The following ENTREP2 variants were observed in gnomAD, a reference collection of about 807,000 sequenced individuals.
The protein encoded by ENTREP2 is protein ENTREP2.
chr15:29,157,133 T>A, the ENTREP2 span, among the ~76,000 whole-genome samples: 2 of 151,972 alleles, frequency 1.3e-5, no homozygotes, highest in African/African-American at 4.8e-5. Context: ...CCTGAAGTGG[T>A]CTGGGACATG....
the ENTREP2 span, among the ~76,000 whole-genome samples, chr15:29,159,430 A>G: frequency 3.9e-5 from 6 of 152,192 alleles, no homozygotes; most frequent in Non-Finnish European, 7.3e-5. Context: ...TCCACAGCAT[A>G]GAAAAGGACA....
At chr15:29,418,147 A>G in the ENTREP2 span, among the ~76,000 whole-genome samples, 1 of 152,248 alleles carries the variant, frequency 6.6e-6, no homozygotes, top group Non-Finnish European at 1.5e-5. Context: ...CAAGGAGCCC[A>G]GTATTTTATC....
chr15:29,350,851 G>A, the ENTREP2 span, among the ~76,000 whole-genome samples: 2 of 152,182 alleles, frequency 1.3e-5, no homozygotes, highest in Non-Finnish European at 2.9e-5. Context: ...GCTGAGGCAG[G>A]GCAATCGCTT....
At chr15:29,593,637 T>G in the ENTREP2 span, among the ~76,000 whole-genome samples, 1 of 152,236 alleles carries the variant, frequency 6.6e-6, no homozygotes, top group South Asian at 2.1e-4. Flanking sequence ...CCTTGGCTGA[T>G]ATTCTTATAT....
At chr15:29,297,784 C>A in the ENTREP2 span, among the ~76,000 whole-genome samples, 6 of 152,036 alleles carry the variant, frequency 3.9e-5, no homozygotes, top group African/African-American at 1.4e-4. Flanking sequence ...TGAATCCATG[C>A]GGGGTCTACA....
chr15:29,151,702 C>G, the ENTREP2 span: 1 of 1,506,590 alleles, frequency 6.6e-7, no homozygotes, highest in Non-Finnish European at 9.0e-7. Flanking sequence ...GGTTTCAAAC[C>G]GCGCAGAGGA....
the ENTREP2 span, among the ~76,000 whole-genome samples, chr15:29,582,681 T>C: frequency 6.6e-6 from 1 of 152,130 alleles, no homozygotes; most frequent in African/African-American, 2.4e-5. Flanking sequence ...AGATGAAGTC[T>C]CACTGTGTTG....
At chr15:29,516,033 CAGCAGAGCCTCA>C in the ENTREP2 span, among the ~76,000 whole-genome samples, 4 of 152,074 alleles carry the variant, frequency 2.6e-5, no homozygotes, top group African/African-American at 4.8e-5. Context: ...CTACAATGAA[CAGCAGAGCCTCA>C]AGCAGAGGTT....
At chr15:29,329,357 C>T in the ENTREP2 span, among the ~76,000 whole-genome samples, 1 of 143,956 alleles carries the variant, frequency 6.9e-6, no homozygotes, top group Admixed American at 6.7e-5. Flanking sequence ...AGCAAGGCTC[C>T]GTCTCAAAAA....
chr15:29,218,681 T>C, the ENTREP2 span, among the ~76,000 whole-genome samples: 3 of 152,184 alleles, frequency 2.0e-5, no homozygotes, highest in African/African-American at 7.2e-5. Context: ...AGCCAACTGA[T>C]CTTCGACAAA....
chr15:29,142,419 C>A, the ENTREP2 span, among the ~76,000 whole-genome samples: 1 of 152,362 alleles, frequency 6.6e-6, no homozygotes, highest in East Asian at 1.9e-4. Context: ...ATAAGTAGCA[C>A]CTACTGTCCA....
the ENTREP2 span, among the ~76,000 whole-genome samples, chr15:29,314,403 A>G: frequency 6.6e-6 from 1 of 152,196 alleles, no homozygotes; most frequent in African/African-American, 2.4e-5. Flanking sequence ...CCCAACCTTC[A>G]GCAACCACCA....
chr15:29,251,645 C>G, the ENTREP2 span, among the ~76,000 whole-genome samples: 3 of 152,024 alleles, frequency 2.0e-5, no homozygotes, highest in Non-Finnish European at 4.4e-5. Context: ...CTGAATACCT[C>G]TGTTCTACAA....
the ENTREP2 span, among the ~76,000 whole-genome samples, chr15:29,200,387 G>T: frequency 6.6e-5 from 10 of 152,054 alleles, no homozygotes; most frequent in Admixed American, 5.9e-4. Flanking sequence ...TGTTGGCCAG[G>T]CTGGTCTCGA....
chr15:29,216,383 G>GT, the ENTREP2 span, among the ~76,000 whole-genome samples: 1 of 152,192 alleles, frequency 6.6e-6, no homozygotes, highest in Admixed American at 6.5e-5. Flanking sequence ...GTGCTTCTGT[G>GT]TCACAGCTCT....
At chr15:29,638,042 C>T in the ENTREP2 span, among the ~76,000 whole-genome samples, 1 of 152,218 alleles carries the variant, frequency 6.6e-6, no homozygotes, top group Non-Finnish European at 1.5e-5. Flanking sequence ...TCTGTCACTG[C>T]ACCTAACTGC....
At chr15:29,497,980 T>A in the ENTREP2 span, among the ~76,000 whole-genome samples, 29 of 152,192 alleles carry the variant, frequency 1.9e-4, no homozygotes, top group African/African-American at 6.3e-4. Context: ...TGTGTCCCCA[T>A]GCAAATCTTA....
the ENTREP2 span, among the ~76,000 whole-genome samples, chr15:29,216,202 T>C: frequency 1.4e-4 from 22 of 152,178 alleles, no homozygotes; most frequent in African/African-American, 4.6e-4. Flanking sequence ...CTGAAAAAGA[T>C]GGTATCTTTC....
chr15:29,587,138 CGTGTGTGTGTGTGTGTGTGTGTGT>C, the ENTREP2 span, among the ~76,000 whole-genome samples: 63 of 124,066 alleles, frequency 5.1e-4, no homozygotes, highest in South Asian at 0.018. Flanking sequence ...TGTAGCTAAC[CGTGTGTGTGTGTGTGTGTGTGTGT>C]GTGTGTGTGT....
Sources: allele counts gnomAD v4.1 joint callset (sites outside exome capture counted in the v4.1 genomes callset), GRCh38; gene constraint gnomAD v4.1.1; transcripts MANE v1.5; gene names NCBI Gene and HGNC (gene_info 2026-07-23, HGNC 2026-07-21).